The following CNTNAP2 variants were observed in gnomAD, a reference collection of about 807,000 sequenced individuals.
CNTNAP2 encodes the protein contactin-associated protein-like 2.
A neutral mutation model predicts 155.2 loss-of-function variants in CNTNAP2; 98 were observed. The observed-to-expected ratio is 0.63, with a 90% CI of 0.54 to 0.75. CNTNAP2 has a LOEUF of 0.75. CNTNAP2 is among the 30% of genes least tolerant of loss of function. CNTNAP2 has a pLI of 0.00. For missense variants in CNTNAP2, 1,727 were observed against 1,688.1 expected (o/e 1.02, Z -0.40); for synonymous variants, 651 against 631.2 (o/e 1.03, Z -0.47).
At chr7:147,457,870 T>G (rs1240597090) in intron 10 of CNTNAP2, among the ~76,000 whole-genome samples, 1 of 152,156 alleles carries the variant, frequency 6.6e-6, no homozygotes, top group Non-Finnish European at 1.5e-5. Flanking sequence ...TTTCTTGAAT[T>G]CTTGAAGTTG....
chr7:147,757,632 A>C (rs2116513391), intron 13 of CNTNAP2, among the ~76,000 whole-genome samples: 1 of 152,230 alleles, frequency 6.6e-6, no homozygotes, highest in African/African-American at 2.4e-5. Flanking sequence ...TTTTAACGTA[A>C]GCAAATTTAA....
At chr7:146,561,883 C>G (rs533513228) in intron 1 of CNTNAP2, among the ~76,000 whole-genome samples, 1 of 152,062 alleles carries the variant, frequency 6.6e-6, no homozygotes, top group African/African-American at 2.4e-5. Context: ...TCAACCTCCC[C>G]GGGCTCAAGT....
intron 2 of CNTNAP2, among the ~76,000 whole-genome samples, chr7:146,800,775 A>G (rs1319302774): frequency 6.6e-6 from 1 of 152,156 alleles, no homozygotes; most frequent in African/African-American, 2.4e-5. Context: ...ACATGAAACG[A>G]ATTATACTAG....
At position 146,458,251 on chromosome 7, in the gene CNTNAP2, C is replaced by A. The variant is rs375693653; in HGVS notation, c.98-316020C>A. On this transcript the variant is annotated intron_variant, in intron 1 of 23. Transcript: ENST00000361727. ...AGCAAACTACCATCTCACATGTTTA[C>A]TTCTATAACAAACCTGCACATCCTA... is the stretch of plus-strand genomic sequence containing the variant. Among the ~76,000 whole-genome samples the A allele has an allele frequency of 3.9e-5, 6 of 152,186 alleles. No homozygotes were observed. The East Asian group carries it at 1.2e-3, about 29-fold the overall frequency.
intron 13 of CNTNAP2, among the ~76,000 whole-genome samples, chr7:147,762,918 T>C (rs1563080253): frequency 6.6e-6 from 1 of 152,086 alleles, no homozygotes; most frequent in Non-Finnish European, 1.5e-5. Flanking sequence ...GAGGTCAGAT[T>C]CTGGGCAACT....
chr7:147,043,405 C>T (rs572550790), intron 3 of CNTNAP2, among the ~76,000 whole-genome samples: 3 of 152,260 alleles, frequency 2.0e-5, no homozygotes, highest in Admixed American at 1.3e-4. Flanking sequence ...AACAAATTCT[C>T]TAAATGTGTC....
At chr7:148,313,768 A>G (rs1797637523) in intron 21 of CNTNAP2, among the ~76,000 whole-genome samples, 1 of 152,154 alleles carries the variant, frequency 6.6e-6, no homozygotes, top group African/African-American at 2.4e-5. Context: ...TCGGGAGCAG[A>G]TTGGGTAATA....
At chr7:147,808,674 G>A (rs957402812) in intron 13 of CNTNAP2, among the ~76,000 whole-genome samples, 2 of 152,184 alleles carry the variant, frequency 1.3e-5, no homozygotes, top group Admixed American at 6.6e-5. Flanking sequence ...CTGCTAGAAT[G>A]CATCTCCTTT....
intron 21 of CNTNAP2, among the ~76,000 whole-genome samples, chr7:148,369,032 A>G (rs984742523): frequency 6.6e-6 from 1 of 152,072 alleles, no homozygotes; most frequent in African/African-American, 2.4e-5. Context: ...ATAAAACAAT[A>G]TGAGAGGGTC....
chr7:148,384,892 C>T (rs1304434971), intron 22 of CNTNAP2, among the ~76,000 whole-genome samples: 2 of 152,086 alleles, frequency 1.3e-5, no homozygotes, highest in African/African-American at 2.4e-5. Flanking sequence ...TTAAATCTGA[C>T]GTGTTTTATC....
At chr7:146,322,274 T>C (rs59518115) in intron 1 of CNTNAP2, among the ~76,000 whole-genome samples, 3,059 of 152,264 alleles carry the variant, frequency 0.02, 120 homozygotes, top group African/African-American at 0.07. Context: ...ATAAAAGATA[T>C]TGCCTGCTTC....
At chr7:148,194,260 G>A (rs928972913) in intron 18 of CNTNAP2, among the ~76,000 whole-genome samples, 2 of 151,794 alleles carry the variant, frequency 1.3e-5, no homozygotes, top group Non-Finnish European at 2.9e-5. Context: ...GGTCCCCAAA[G>A]TGTTGAGATT....
intron 22 of CNTNAP2, among the ~76,000 whole-genome samples, chr7:148,404,405 A>G (rs929348207): frequency 6.6e-6 from 1 of 152,256 alleles, no homozygotes; most frequent in Admixed American, 6.5e-5. Context: ...GTCCAGACAG[A>G]GTGCCATATG....
At chr7:148,112,102 A>G (rs1804364998) in intron 15 of CNTNAP2, among the ~76,000 whole-genome samples, 1 of 152,160 alleles carries the variant, frequency 6.6e-6, no homozygotes, top group Non-Finnish European at 1.5e-5. Context: ...GGGGACAAAA[A>G]CGTGACTGCA....
At chr7:146,663,982 T>A (rs1391949250) in intron 1 of CNTNAP2, among the ~76,000 whole-genome samples, 1 of 152,068 alleles carries the variant, frequency 6.6e-6, no homozygotes. Context: ...TCCCAGTAAG[T>A]ATGTTACCTG....
intron 1 of CNTNAP2, among the ~76,000 whole-genome samples, chr7:146,369,668 G>T (rs1177729896): frequency 6.6e-6 from 1 of 152,094 alleles, no homozygotes; most frequent in Non-Finnish European, 1.5e-5. Flanking sequence ...GGAACACTGA[G>T]CATATGTTTA....
At chr7:146,265,648 C>G (rs802572) in intron 1 of CNTNAP2, among the ~76,000 whole-genome samples, 1 of 151,516 alleles carries the variant, frequency 6.6e-6, no homozygotes, top group Non-Finnish European at 1.5e-5. Context: ...TTTATAGAGA[C>G]GGGGTTTTGC....
chr7:146,242,107 G>A (rs1339079415), intron 1 of CNTNAP2, among the ~76,000 whole-genome samples: 1 of 152,024 alleles, frequency 6.6e-6, no homozygotes, highest in African/African-American at 2.4e-5. Flanking sequence ...TTGTGATAAG[G>A]CATGTGAAAT....
intron 1 of CNTNAP2, among the ~76,000 whole-genome samples, chr7:146,569,068 G>A (rs542653913): frequency 6.6e-6 from 1 of 151,718 alleles, no homozygotes; most frequent in African/African-American, 2.4e-5. Flanking sequence ...CCAGGCTGGA[G>A]TGCAGTGGCG....
Sources: gnomAD v4.1 joint callset for allele counts (sites outside exome capture counted in the v4.1 genomes callset) on GRCh38, gnomAD v4.1.1 for gene constraint, MANE v1.5 for transcripts, NCBI Gene and HGNC (gene_info 2026-07-23, HGNC 2026-07-21) for gene names.